The following FRMD6 variants were observed in gnomAD, a reference collection of about 807,000 sequenced individuals.
FRMD6 encodes FERM domain containing 6, also known as FERM domain-containing protein 6.
FRMD6 carries 37 observed loss-of-function variants against 73.2 expected under a neutral mutation model. That is an observed-to-expected ratio of 0.51 (90% confidence interval 0.39 to 0.66). The LOEUF is 0.66. Ranked by LOEUF, FRMD6 falls within the 30% of genes least tolerant of loss-of-function variation. The pLI, the probability that FRMD6 is intolerant of heterozygous loss-of-function variation, is 0.00. For missense variants in FRMD6, 714 were observed against 780.5 expected (o/e 0.91, Z 1.02); for synonymous variants, 273 against 282.2 (o/e 0.97, Z 0.33).
intron 1 of FRMD6, among the ~76,000 whole-genome samples, chr14:51,658,969 G>A (rs1045242794): frequency 6.6e-6 from 1 of 152,164 alleles, no homozygotes; most frequent in Non-Finnish European, 1.5e-5. Context: ...TTTAGCATAT[G>A]TAATGTTAAC....
At chr14:51,651,200 G>A (rs1466704444), upstream of FRMD6, 1 of 152,376 alleles carries the variant, frequency 6.6e-6, no homozygotes, top group Admixed American at 6.5e-5. Context: ...AGCAGACAGA[G>A]GCTGTGTCTA....
chr14:51,568,908 C>T (rs1887933455), intron 1 of FRMD6, among the ~76,000 whole-genome samples: 1 of 149,584 alleles, frequency 6.7e-6, no homozygotes, highest in South Asian at 2.1e-4. Flanking sequence ...TGCAATGGCG[C>T]AGTCTCGGCT....
At chr14:51,549,313 A>G (rs974461944) in intron 1 of FRMD6, among the ~76,000 whole-genome samples, 26 of 152,214 alleles carry the variant, frequency 1.7e-4, no homozygotes, top group African/African-American at 6.0e-4. Context: ...AATTACAAGC[A>G]GATTTTTTGT....
intron 1 of FRMD6, among the ~76,000 whole-genome samples, chr14:51,542,900 G>A (rs906733381): frequency 2.0e-5 from 3 of 151,910 alleles, no homozygotes; most frequent in Admixed American, 2.0e-4. Flanking sequence ...ATACTTCTCA[G>A]CCATTTGTAT....
At chr14:51,441,295 T>G in the FRMD6 span, among the ~76,000 whole-genome samples, 1 of 152,324 alleles carries the variant, frequency 6.6e-6, no homozygotes, top group Admixed American at 6.5e-5. Flanking sequence ...TTCCAGGCCC[T>G]GACACTTCTA....
At chr14:51,630,931 A>G (rs546786822) in intron 2 of FRMD6, among the ~76,000 whole-genome samples, 1 of 152,294 alleles carries the variant, frequency 6.6e-6, no homozygotes, top group South Asian at 2.1e-4. Context: ...TGCCATATGT[A>G]TATGCATACT....
At chr14:51,493,939 T>C (rs1023148084) in intron 1 of FRMD6, among the ~76,000 whole-genome samples, 2 of 152,208 alleles carry the variant, frequency 1.3e-5, no homozygotes, top group Non-Finnish European at 2.9e-5. Flanking sequence ...CCAGCTGATA[T>C]GGTGTCTGGT....
At chr14:51,488,887 G>A (rs147345946), upstream of FRMD6, among the ~76,000 whole-genome samples, 34 of 152,314 alleles carry the variant, frequency 2.2e-4, no homozygotes, top group East Asian at 3.9e-3. Flanking sequence ...TTTTTTTGTG[G>A]TATATTTTAT....
chr14:51,489,570 G>C (rs755681113), intron 1 of FRMD6: 1 of 152,282 alleles, frequency 6.6e-6, no homozygotes, highest in African/African-American at 2.4e-5. Context: ...ACTGCTGAGG[G>C]AGTTGGTTCT....
chr14:51,659,807 T>A, intron 1 of FRMD6, among the ~76,000 whole-genome samples: 1 of 152,206 alleles, frequency 6.6e-6, no homozygotes, highest in Non-Finnish European at 1.5e-5. Flanking sequence ...TATAAAGCAG[T>A]TCTTTATTCC....
intron 1 of FRMD6, among the ~76,000 whole-genome samples, chr14:51,536,621 T>C (rs1307480058): frequency 1.3e-5 from 2 of 152,000 alleles, no homozygotes; most frequent in Non-Finnish European, 2.9e-5. Flanking sequence ...TTCACCATGT[T>C]GGCCAGGCTG....
At chr14:51,445,204 A>G in the FRMD6 span, among the ~76,000 whole-genome samples, 1 of 152,198 alleles carries the variant, frequency 6.6e-6, no homozygotes, top group South Asian at 2.1e-4. Context: ...CTGGCATGAA[A>G]ACATCTCATT....
chr14:51,695,369 A>T (rs1241168373), intron 2 of FRMD6, among the ~76,000 whole-genome samples: 1 of 152,194 alleles, frequency 6.6e-6, no homozygotes, highest in Non-Finnish European at 1.5e-5. Flanking sequence ...GGCCTTTTAA[A>T]GTGAGTGTTG....
intron 1 of FRMD6, among the ~76,000 whole-genome samples, chr14:51,652,547 C>T (rs11845396): frequency 1.3e-5 from 2 of 152,148 alleles, no homozygotes; most frequent in Non-Finnish European, 1.5e-5. Flanking sequence ...GCGCAGAGGC[C>T]GGACAGCCCG....
the FRMD6 span, among the ~76,000 whole-genome samples, chr14:51,481,830 GGAGTGGCTATTTTGCCAGTAGA>G: frequency 6.6e-6 from 1 of 152,214 alleles, no homozygotes; most frequent in Admixed American, 6.5e-5. Context: ...AATGCTTCCT[GGAGTGGCTATTTTGCCAGTAGA>G]TCAGTAACAG....
At chr14:51,453,594 A>T in the FRMD6 span, among the ~76,000 whole-genome samples, 778 of 152,308 alleles carry the variant, frequency 5.1e-3, 1 homozygote, top group Non-Finnish European at 7.6e-3. Context: ...ATGCTATTTG[A>T]TTGAGGGGAT....
the FRMD6 span, among the ~76,000 whole-genome samples, chr14:51,442,327 CTTTCT>C: frequency 2.6e-5 from 4 of 152,012 alleles, no homozygotes; most frequent in African/African-American, 4.8e-5. Flanking sequence ...CTCTCCTTTC[CTTTCT>C]CTTCTCTCAT....
intron 1 of FRMD6, among the ~76,000 whole-genome samples, chr14:51,687,545 A>T (rs1222005790): frequency 6.6e-6 from 1 of 152,114 alleles, no homozygotes; most frequent in African/African-American, 2.4e-5. Context: ...ACCTTAATAG[A>T]TATGCCTTGG....
At chr14:51,425,759 TC>T in the FRMD6 span, among the ~76,000 whole-genome samples, 1 of 152,220 alleles carries the variant, frequency 6.6e-6, no homozygotes, top group African/African-American at 2.4e-5. Context: ...AGGTCTCTCC[TC>T]TTGTCCTCTC....
Sources: allele counts gnomAD v4.1 joint callset (sites outside exome capture counted in the v4.1 genomes callset), GRCh38; gene constraint gnomAD v4.1.1; transcripts MANE v1.5; gene names NCBI Gene and HGNC (gene_info 2026-07-23, HGNC 2026-07-21).